PI4KB: variants seen among roughly 807,000 people sequenced by gnomAD.
The protein encoded by PI4KB is phosphatidylinositol 4-kinase beta, also known as PtdIns 4-kinase beta.
A neutral mutation model predicts 81.4 loss-of-function variants in PI4KB; 23 were observed. The ratio of observed to expected loss-of-function variants is 0.28; its 90% CI spans 0.20 to 0.40. The LOEUF is 0.40. PI4KB is among the 10% of genes least tolerant of loss of function. The pLI is 1.00. For missense variants in PI4KB, 651 were observed against 1,036.6 expected, an observed-to-expected ratio of 0.63 and a Z score of 5.11; for synonymous variants, 381 against 406.8, an observed-to-expected ratio of 0.94 and a Z score of 0.76.
intron 1 of PI4KB, among the ~76,000 whole-genome samples, chr1:151,320,999 C>T (rs539291888): frequency 7.2e-5 from 11 of 152,324 alleles, no homozygotes; most frequent in South Asian, 4.1e-4. Context: ...CAATTAACTA[C>T]GATTGGGATT....
In PI4KB at chr1:151,294,107, T is replaced by C. The variant is rs753147951; in HGVS notation, c.2180A>G (p.Asn727Ser). 2 of 1,614,014 alleles carry C rather than the reference T, an allele frequency of 1.2e-6. No individual in the cohort carries two copies. Among genetic ancestry groups the C allele is most frequent in the Non-Finnish European group, 1.7e-6 (2 of 1,179,978 alleles). ...VMGGLDGDMF[N>S]YYKMLMLQGL... Reference sequence around the variant, plus strand: ...TTGCAGCATCAGCATCTTATAGTAGTTGAACATGTCGCCATCCAGGCCGCC... The same window carrying C: ...TTGCAGCATCAGCATCTTATAGTAGCTGAACATGTCGCCATCCAGGCCGCC... Residue 727 changes from asparagine (N) to serine (S), a missense_variant, in exon 11 of 12, where the codon AAC (asparagine) becomes AGC (serine). Coordinates refer to ENST00000368873, the MANE Select transcript of PI4KB (RefSeq NM_001369623.2).
rs186072151 is a variant in PI4KB, at chr1:151,294,838, A to C, written c.2016-297T>G. Among the ~76,000 whole-genome samples, 12 of 152,368 alleles carry C rather than the reference A, an allele frequency of 7.9e-5. No individual in the cohort carries two copies. The East Asian group carries it at 2.3e-3, about 29-fold the overall frequency. ...CCAGAAATTGCACTTCTGGCACCCAAACTATCCCAATCTAGTAGAGAATCC... is the reference window on the plus strand; with the variant it reads ...CCAGAAATTGCACTTCTGGCACCCACACTATCCCAATCTAGTAGAGAATCC... On this transcript the variant is annotated intron_variant, in intron 9 of 11. Transcript: ENST00000368873.
chr1:151,306,514 C>G, intron 4 of PI4KB, 151 bp from the exon 5 acceptor site: 1 of 616,784 alleles, frequency 1.6e-6, no homozygotes, highest in South Asian at 1.9e-5. Context: ...ATATTTAGGG[C>G]AGATACTTGT....
rs1695723391 is a variant in PI4KB at position 151,305,996 on chromosome 1, T to C, written c.1410+140A>G. On this transcript the variant is annotated intron_variant, in intron 5 of 11. Transcript: ENST00000368873. ...CTAGAGTTGTTCAGAGCTTTCCCCA[T>C]ATTACCCCTCACTACCTACACCACT... is the stretch of plus-strand genomic sequence containing the variant. The C allele has an allele frequency of 6.3e-6, 4 of 631,182 alleles. No homozygotes were observed. In the South Asian group the frequency reaches 7.9e-5, roughly 12 times the overall value. 39.1% of individuals were successfully genotyped at this position (631,182 alleles called of 1,614,324 possible).
At chr1:151,293,143 C>T in intron 11 of PI4KB, 110 bp from the exon 12 acceptor site, 1 of 1,523,122 alleles carries the variant, frequency 6.6e-7, no homozygotes, top group Admixed American at 2.2e-5. Context: ...CCTCCCACCT[C>T]AGGTCCTTGA....
intron 1 of PI4KB, chr1:151,324,988 CTTTTT>C (rs572033691): frequency 2.5e-4 from 91 of 371,064 alleles, no homozygotes; most frequent in South Asian, 3.4e-4. Context: ...AGGAAAGCTG[CTTTTT>C]TTTTTTTTTT....
chr1:151,321,467 C>T (rs975034008), intron 1 of PI4KB, among the ~76,000 whole-genome samples: 1 of 152,036 alleles, frequency 6.6e-6, no homozygotes, highest in Admixed American at 6.5e-5. Flanking sequence ...TCACCGCAAC[C>T]TCCGCCTCCC....
Position 151,292,483 on chromosome 1 carries a change from C to T in PI4KB, c.*369G>A, listed in dbSNP as rs78631664. 4.9e-3 allele frequency: 858 copies of T among 176,484 alleles called. 6 individuals are homozygous for T. The highest frequency in any genetic ancestry group is 0.019 in the African/African-American group (812 of 41,974). 10.9% of individuals were successfully genotyped at this position (176,484 alleles called of 1,614,324 possible). A position where few individuals can be genotyped will look rare whatever the true frequency, so the allele number is the denominator to read the frequency against. ...CTTCCCCACTTCCTGGGCCCCAGAACGGAATAAGAGGATGGCCTGTGGAAA... is the reference window on the plus strand; with the variant it reads ...CTTCCCCACTTCCTGGGCCCCAGAATGGAATAAGAGGATGGCCTGTGGAAA... On this transcript the variant is annotated 3_prime_UTR_variant, in exon 12 of 12. Coordinates refer to ENST00000368873, the MANE Select transcript of PI4KB (RefSeq NM_001369623.2).
chr1:151,301,389 T>C (rs1245380000), intron 8 of PI4KB, among the ~76,000 whole-genome samples: 2 of 151,774 alleles, frequency 1.3e-5, no homozygotes, highest in African/African-American at 4.8e-5. Context: ...CTAATTTTTG[T>C]ATTTTTATTT....
chr1:151,327,422 G>A, upstream of PI4KB: 2 of 397,732 alleles, frequency 5.0e-6, no homozygotes, highest in Non-Finnish European at 8.9e-6. Flanking sequence ...CGGCTGCGGG[G>A]CTGCCCGCGG....
In PI4KB at chr1:151,292,048, T is replaced by TATC. The variant is rs1457313573; in HGVS notation, c.*801_*803dup. On this transcript the variant is annotated 3_prime_UTR_variant, in exon 12 of 12. Transcript: ENST00000368873. ...GCAAACTTCTATGTAGTGCCTTTTGTATCTTGGACACTGAGGCATCCGTTC... is the reference window on the plus strand; with the variant it reads ...GCAAACTTCTATGTAGTGCCTTTTGTATCATCTTGGACACTGAGGCATCCGTTC... The TATC allele has an allele frequency of 6.6e-6, 1 of 152,160 alleles. No individual in the cohort carries two copies. The highest frequency in any genetic ancestry group is 6.5e-5 in the Admixed American group (1 of 15,268). The allele number at this position is 152,160 out of a possible 1,614,324, so 9.4% of individuals were successfully genotyped here.
At chr1:151,293,542 G>A in intron 11 of PI4KB, 1 of 594,910 alleles carries the variant, frequency 1.7e-6, no homozygotes, top group Non-Finnish European at 2.5e-6. Context: ...CTTGAGGAGG[G>A]GGATGAGGAC....
upstream of PI4KB, chr1:151,327,442 A>AG (rs1649827028): frequency 2.5e-6 from 1 of 397,358 alleles, no homozygotes; most frequent in Non-Finnish European, 4.4e-6. Context: ...GCGCCGCCTG[A>AG]GGGGGCCTTC....
chr1:151,296,466 C>G (rs1694802903), intron 9 of PI4KB, among the ~76,000 whole-genome samples: 1 of 150,770 alleles, frequency 6.6e-6, no homozygotes, highest in Admixed American at 6.6e-5. Flanking sequence ...TTAATAGATG[C>G]TAGATTTCTT....
chr1:151,302,978 T>A (rs1695420255), intron 6 of PI4KB, among the ~76,000 whole-genome samples: 1 of 149,436 alleles, frequency 6.7e-6, no homozygotes, highest in Non-Finnish European at 1.5e-5. Context: ...TCAAACTCCT[T>A]CCTCTGGTGC....
At chr1:151,303,267 G>A in intron 6 of PI4KB, 1 of 307,462 alleles carries the variant, frequency 3.3e-6, no homozygotes, top group Non-Finnish European at 6.4e-6. Flanking sequence ...CCAAAGTGAT[G>A]GGGTTACAGG....
chr1:151,326,284 A>C, intron 1 of PI4KB: 2 of 1,162,316 alleles, frequency 1.7e-6, no homozygotes, highest in South Asian at 1.4e-5. Context: ...CGGCCTTCAG[A>C]AACACCCTTC....
intron 5 of PI4KB, among the ~76,000 whole-genome samples, chr1:151,304,634 C>T (rs991618561): frequency 7.3e-5 from 11 of 151,516 alleles, no homozygotes; most frequent in East Asian, 1.9e-4. Context: ...CGTGAGCCAC[C>T]GCGCCTGGCC....
chr1:151,323,240 C>T (rs1006075851), intron 1 of PI4KB, among the ~76,000 whole-genome samples: 2 of 152,238 alleles, frequency 1.3e-5, no homozygotes, highest in African/African-American at 4.8e-5. Flanking sequence ...TGCAGTGGCT[C>T]ATGCCTGTAA....
Sources: gnomAD v4.1 joint callset for allele counts (sites outside exome capture counted in the v4.1 genomes callset) on GRCh38, gnomAD v4.1.1 for gene constraint, MANE v1.5 for transcripts, NCBI Gene and HGNC (gene_info 2026-07-23, HGNC 2026-07-21) for gene names.